The following DNAH8 variants were observed in gnomAD, a reference collection of about 807,000 sequenced individuals.
The protein encoded by DNAH8 is dynein axonemal heavy chain 8, also known as axonemal beta dynein heavy chain 8.
Under a neutral mutation model 562.1 loss-of-function variants are expected in DNAH8, and 382 were observed. The ratio of observed to expected loss-of-function variants is 0.68; its 90% CI spans 0.63 to 0.74. The LOEUF (loss-of-function observed/expected upper bound fraction) is 0.74, where lower values mean the gene tolerates loss of function less well. Ranked by LOEUF, DNAH8 falls within the 30% of genes least tolerant of loss-of-function variation. DNAH8 has a pLI of 0.00. For missense variants in DNAH8, 5,203 were observed against 5,620.4 expected, an observed-to-expected ratio of 0.93 and a Z score of 2.37; for synonymous variants, 1,881 against 1,919.4, an observed-to-expected ratio of 0.98 and a Z score of 0.52.
rs370567076 is a variant in DNAH8, at chr6:38,904,717, T to C, written c.9195-1537T>C. Among the ~76,000 whole-genome samples, 397 of 143,998 alleles carry C rather than the reference T, an allele frequency of 2.8e-3. 1 individual carries two copies. The highest frequency in any genetic ancestry group is 1.0e-2 in the African/African-American group (380 of 38,174). The allele number at this position is 143,998 out of a possible 152,430, so 94.5% of individuals were successfully genotyped here. On this transcript the variant is annotated intron_variant, in intron 62 of 92. Transcript: ENST00000327475. The stretch of plus-strand genomic sequence containing the variant: ...TGAGGCAGGAGAATCGCTTGTACCC[T>C]GATGGTGGAGGTTGCAGTGAGCCGA...
chr6:38,748,774 A>AATAATAATG (rs1765174663), intron 8 of DNAH8, among the ~76,000 whole-genome samples: 2 of 147,698 alleles, frequency 1.4e-5, no homozygotes, highest in African/African-American at 2.5e-5. Flanking sequence ...TAATAATAAT[A>AATAATAATG]ATAATAATAA....
intron 17 of DNAH8, among the ~76,000 whole-genome samples, chr6:38,785,172 C>A (rs1390176152): frequency 6.6e-6 from 1 of 152,168 alleles, no homozygotes; most frequent in Non-Finnish European, 1.5e-5. Context: ...CAGTAGAATT[C>A]TTTAACTTCT....
chr6:38,718,911 A>G lies in DNAH8; in HGVS notation c.-35+3496A>G, dbSNP rs150353973. Among the ~76,000 whole-genome samples the G allele has an allele frequency of 2.6e-5, 4 of 152,212 alleles. No homozygotes were observed. The East Asian group carries it at 7.7e-4, about 29-fold the overall frequency. ...ACCTGTTCATAGCTTTTTATAGTTT[A>G]CCTCTTTACTTCTCTGTTTAAATTT... On this transcript the variant is annotated intron_variant, in intron 1 of 92. Transcript: ENST00000327475.
At chr6:38,942,747 C>A (rs1212238841) in intron 79 of DNAH8, among the ~76,000 whole-genome samples, 3 of 152,194 alleles carry the variant, frequency 2.0e-5, no homozygotes, top group Non-Finnish European at 4.4e-5. Flanking sequence ...GGGACCTAGC[C>A]TGCACCTGAG....
chr6:38,946,516 G>T (rs1441599799), intron 80 of DNAH8, among the ~76,000 whole-genome samples: 4 of 152,200 alleles, frequency 2.6e-5, no homozygotes, highest in Admixed American at 6.5e-5. Context: ...CTTGGAAAAA[G>T]AAAGTGATCT....
At chr6:39,027,378 C>T (rs1767366362) in intron 92 of DNAH8, among the ~76,000 whole-genome samples, 1 of 152,228 alleles carries the variant, frequency 6.6e-6, no homozygotes, top group Admixed American at 6.5e-5. Flanking sequence ...GGGGCCAGTT[C>T]CAGGGGTGTC....
rs148170738 is a variant in DNAH8 at position 38,911,333 on chromosome 6, G to A, written c.9741-135G>A. The A allele has an allele frequency of 5.8e-3, 4,293 of 742,506 alleles. 26 individuals carry two copies. Among genetic ancestry groups the A allele is most frequent in the Non-Finnish European group, 8.8e-3 (3,672 of 419,018 alleles). The allele number at this position is 742,506 out of a possible 1,614,324, so 46.0% of individuals were successfully genotyped here. On this transcript the variant is annotated intron_variant, in intron 65 of 92. Transcript: ENST00000327475. ...AGTCCTTTTTCCACCTCACCTCTGA[G>A]AAACCTTGCTCAAGTCCTGTCTTCC...
At chr6:38,979,303 C>G (rs965496248) in intron 85 of DNAH8, among the ~76,000 whole-genome samples, 12 of 152,198 alleles carry the variant, frequency 7.9e-5, no homozygotes, top group African/African-American at 2.9e-4. Context: ...ATTTTTGCAA[C>G]AGATTAAAAC....
chr6:38,913,308 A>G (rs1212651145), intron 66 of DNAH8, among the ~76,000 whole-genome samples: 1 of 152,224 alleles, frequency 6.6e-6, no homozygotes, highest in East Asian at 1.9e-4. Flanking sequence ...ATTTACCAAC[A>G]TCCCACTACC....
chr6:38,898,014 G>C (rs942810978), intron 60 of DNAH8, among the ~76,000 whole-genome samples: 1 of 152,164 alleles, frequency 6.6e-6, no homozygotes, highest in African/African-American at 2.4e-5. Flanking sequence ...ACTATGGATA[G>C]GAGTTGGTAG....
At chr6:38,843,449 CTA>C (rs1429696260) in intron 35 of DNAH8, among the ~76,000 whole-genome samples, 2 of 151,676 alleles carry the variant, frequency 1.3e-5, no homozygotes, top group African/African-American at 4.8e-5. Context: ...GGTTTCAAAT[CTA>C]TAGATTTATA....
chr6:38,821,545 A>G (rs1054158545), intron 26 of DNAH8, among the ~76,000 whole-genome samples: 9 of 152,092 alleles, frequency 5.9e-5, no homozygotes, highest in African/African-American at 2.2e-4. Context: ...AAAGAACAAA[A>G]CTGGAGAACT....
chr6:38,901,637 G>A (rs1344025474), intron 62 of DNAH8, among the ~76,000 whole-genome samples: 1 of 151,962 alleles, frequency 6.6e-6, no homozygotes, highest in Non-Finnish European at 1.5e-5. Context: ...CTCTAACTTT[G>A]TTGTTCTTCA....
intron 25 of DNAH8, among the ~76,000 whole-genome samples, chr6:38,814,442 G>A (rs1326356406): frequency 6.6e-6 from 1 of 152,080 alleles, no homozygotes; most frequent in Non-Finnish European, 1.5e-5. Flanking sequence ...TTAGCCAGTT[G>A]TGGTGGTAGG....
At chr6:38,852,437 G>T (rs1017461619) in intron 39 of DNAH8, among the ~76,000 whole-genome samples, 1 of 152,102 alleles carries the variant, frequency 6.6e-6, no homozygotes, top group Admixed American at 6.6e-5. Flanking sequence ...TCTGGTGGAA[G>T]GTGACAGTCC....
chr6:38,822,632 A>G (rs1772970184), intron 26 of DNAH8, among the ~76,000 whole-genome samples: 1 of 152,212 alleles, frequency 6.6e-6, no homozygotes, highest in African/African-American at 2.4e-5. Flanking sequence ...AAAGAAATCT[A>G]GAGCTCAAAA....
At chr6:38,926,411 C>T (rs569041243) in intron 74 of DNAH8, among the ~76,000 whole-genome samples, 1 of 151,734 alleles carries the variant, frequency 6.6e-6, no homozygotes, top group Non-Finnish European at 1.5e-5. Context: ...CCTCCCTCCC[C>T]CTCTCTTTGT....
Position 38,866,822 on chromosome 6 carries a change from G to T in DNAH8, c.6639G>T (p.Leu2213Phe). The T allele has an allele frequency of 6.2e-7, 1 of 1,613,284 alleles. No individual in the cohort carries two copies. Among genetic ancestry groups the T allele is most frequent in the South Asian group, 1.1e-5 (1 of 91,016 alleles). The change falls in exon 47 of 93, where the codon TTG becomes TTT. Residue 2213 changes from leucine (L) to phenylalanine (F), a missense_variant. Leu to Phe is a conservative substitution (Grantham distance 22). Around this residue, in one of 6 missense-constraint regions of DNAH8, gnomAD observed 2,176 missense variants for 2,365.1 expected, o/e 0.92. Transcript: ENST00000327475. ...ASCGFLENVILAQKFYVLYKL... is the reference protein window; with the variant it reads ...ASCGFLENVIFAQKFYVLYKL... ...GTGGTTTTCTTGAAAATGTTATCTT[G>T]GCTCAAAAATTTTACGTTCTTTACA...
At position 38,935,643 on chromosome 6, in the gene DNAH8, C is replaced by T. The variant is rs769053473; in HGVS notation, c.11509C>T (p.Arg3837Trp). ...TTTGGAGGATGTTACTTTTAATAAG[C>T]GGAAGATGAAAGAACTTGAAGATAA... ...KLLEDVTFNK[R>W]KMKELEDNLL... The change falls in exon 77 of 93, where the codon CGG becomes TGG. Residue 3837 changes from arginine to tryptophan, a missense_variant. Physicochemically the swap from Arg to Trp is moderately radical, Grantham distance 101. Coordinates refer to ENST00000327475, the MANE Select transcript of DNAH8 (RefSeq NM_001206927.2). The T allele has an allele frequency of 6.7e-5, 108 of 1,612,304 alleles. No individual in the cohort carries two copies. The highest frequency in any genetic ancestry group is 2.5e-4 in the East Asian group (11 of 44,722).
Sources: gnomAD v4.1 joint callset for allele counts (sites outside exome capture counted in the v4.1 genomes callset) on GRCh38, gnomAD v4.1.1 for gene constraint, gnomAD v4.1.1 regional missense constraint, MANE v1.5 for transcripts, NCBI Gene and HGNC (gene_info 2026-07-23, HGNC 2026-07-21) for gene names.